The following ZNF581 variants were observed in gnomAD, a reference collection of about 807,000 sequenced individuals.
ZNF581 encodes the protein zinc finger protein 581.
A neutral mutation model predicts 1.2 loss-of-function variants in ZNF581; 1 was observed. The observed-to-expected ratio is 0.83, with a 90% CI of 0.30 to 3.95. The LOEUF (loss-of-function observed/expected upper bound fraction) is 3.95, where lower values mean the gene tolerates loss of function less well. ZNF581 is among the 30% of genes most tolerant of loss of function. ZNF581 has a pLI of 0.18. For synonymous variants in ZNF581, 105 were observed against 109.2 expected, an observed-to-expected ratio of 0.96 and a Z score of 0.24; for missense variants, 273 against 274.6, an observed-to-expected ratio of 0.99 and a Z score of 0.04.
upstream of ZNF581, chr19:55,640,801 T>G: frequency 1.0e-6 from 1 of 985,436 alleles, no homozygotes. Context: ...TAGTCTCGGT[T>G]TATTGGCCGA....
upstream of ZNF581, chr19:55,642,629 T>C: frequency 7.0e-7 from 1 of 1,436,788 alleles, no homozygotes; most frequent in East Asian, 2.8e-5. Context: ...CACTCCTTCC[T>C]CGGCGGCGGG....
upstream of ZNF581, chr19:55,642,629 T>G: frequency 7.0e-7 from 1 of 1,436,788 alleles, no homozygotes; most frequent in Non-Finnish European, 9.1e-7. Flanking sequence ...CACTCCTTCC[T>G]CGGCGGCGGG....
At chr19:55,643,055 C>T (rs963058314), upstream of ZNF581, 3 of 1,343,538 alleles carry the variant, frequency 2.2e-6, no homozygotes, top group East Asian at 6.2e-5. Context: ...TGCTGCCCTG[C>T]CCGTCTCAGG....
At chr19:55,640,366 T>C, upstream of ZNF581, 1 of 985,480 alleles carries the variant, frequency 1.0e-6, no homozygotes, top group Non-Finnish European at 1.2e-6. Flanking sequence ...GTGGGCCCCG[T>C]GGGCAGTGCC....
chr19:55,640,797 C>T (rs1423292722), upstream of ZNF581: 2 of 985,406 alleles, frequency 2.0e-6, no homozygotes, highest in African/African-American at 1.7e-5. Flanking sequence ...TGCTTAGTCT[C>T]GGTTTATTGG....
Position 55,645,212 on chromosome 19 carries a change from C to G in ZNF581, c.*47C>G. The G allele has an allele frequency of 6.8e-7, 1 of 1,474,560 alleles. No homozygotes were observed. Among genetic ancestry groups the G allele is most frequent in the Non-Finnish European group, 9.1e-7 (1 of 1,100,328 alleles). 91.3% of individuals were successfully genotyped at this position (1,474,560 alleles called of 1,614,324 possible). A position where few individuals can be genotyped will look rare whatever the true frequency, so the allele number is the denominator to read the frequency against. ...GGTACCACAGGACTTTGCAGGGAGC[C>G]TGGACTCCTGTCCAGACACCTGGTG... On this transcript the variant is annotated 3_prime_UTR_variant, in exon 2 of 2. Transcript: ENST00000270451.
chr19:55,635,517 G>A, exon 1 of ZNF581: 1 of 241,596 alleles, frequency 4.1e-6, no homozygotes, highest in Non-Finnish European at 6.8e-6. Flanking sequence ...GATCTGAGTG[G>A]CCTCTGCCCC....
At chr19:55,636,485 G>A (rs1322801425), upstream of ZNF581, among the ~76,000 whole-genome samples, 1 of 152,110 alleles carries the variant, frequency 6.6e-6, no homozygotes, top group Non-Finnish European at 1.5e-5. Context: ...GGGTAGGGAG[G>A]TAATGCTTCA....
At chr19:55,640,453 TCACAC>T (rs956508856), upstream of ZNF581, 2 of 985,348 alleles carry the variant, frequency 2.0e-6, no homozygotes, top group Admixed American at 1.2e-4. Context: ...TCTGGAAATA[TCACAC>T]CTCCCCACCT....
upstream of ZNF581, chr19:55,640,131 C>A (rs957935724): frequency 1.2e-5 from 12 of 985,336 alleles, 1 homozygote; most frequent in African/African-American, 1.7e-5. Flanking sequence ...CTCAGCTGCA[C>A]CTGCAGATGC....
upstream of ZNF581, chr19:55,640,897 C>T: frequency 4.1e-6 from 4 of 985,384 alleles, no homozygotes; most frequent in South Asian, 9.4e-5. Context: ...GTGGACCCCA[C>T]GCCTCCGGTC....
chr19:55,636,285 C>T (rs905795631), upstream of ZNF581, among the ~76,000 whole-genome samples: 42 of 152,028 alleles, frequency 2.8e-4, no homozygotes, highest in Admixed American at 2.7e-3. Flanking sequence ...GCTTGGAGAA[C>T]GGAGGTCAGT....
At chr19:55,642,560 G>A, upstream of ZNF581, 1 of 1,458,374 alleles carries the variant, frequency 6.9e-7, no homozygotes, top group Non-Finnish European at 9.0e-7. Flanking sequence ...CTCTCCGGAG[G>A]CCATGGACCC....
At chr19:55,635,192 GC>G (rs1292238276), upstream of ZNF581, 1 of 152,428 alleles carries the variant, frequency 6.6e-6, no homozygotes, top group African/African-American at 2.4e-5. Context: ...TGCGAAGGAG[GC>G]TTGGGGAGGG....
In ZNF581 at chr19:55,645,363, A is replaced by G. The variant is rs1982789661; in HGVS notation, c.*198A>G. The G allele has an allele frequency of 2.0e-6, 1 of 503,298 alleles. No homozygotes were observed. Among genetic ancestry groups the G allele is most frequent in the Non-Finnish European group, 3.6e-6 (1 of 280,850 alleles). 31.2% of individuals were successfully genotyped at this position (503,298 alleles called of 1,614,324 possible). ...AGGTCCTCCGTGTTCTGGAGCTGAGATGGGAATGAGCCCCTACACAGAATG... is the reference window on the plus strand; with the variant it reads ...AGGTCCTCCGTGTTCTGGAGCTGAGGTGGGAATGAGCCCCTACACAGAATG... On this transcript the variant is annotated 3_prime_UTR_variant, in exon 2 of 2. Transcript: ENST00000270451.
upstream of ZNF581, chr19:55,640,515 G>A (rs1394270884): frequency 2.0e-6 from 2 of 985,482 alleles, no homozygotes; most frequent in Non-Finnish European, 2.4e-6. Flanking sequence ...TCCCGCATGT[G>A]CCCCGTGGAA....
chr19:55,640,416 G>T, upstream of ZNF581: 2 of 985,480 alleles, frequency 2.0e-6, no homozygotes, highest in Middle Eastern at 5.2e-4. Context: ...CCTGGCCTTC[G>T]CTGCGCTTCG....
Position 55,644,718 on chromosome 19 carries a change from G to A in ZNF581, c.147G>A (p.Arg49=). ...IGSPQASSPP[R]PNHYLLIDTQ... is the part of the protein sequence containing the mutation. ...CTCCCCAGGCTTCATCTCCTCCAAG[G>A]CCCAACCACTACCTGCTTATTGACA... Residue 49 remains arginine, a synonymous_variant, in exon 2 of 2, where the codon AGG becomes AGA. Coordinates refer to ENST00000270451, the MANE Select transcript of ZNF581 (RefSeq NM_016535.4). This position sits in a 1 kb window ranked among gnomAD's most constrained non-coding sequence, Gnocchi z 4.3. The A allele has an allele frequency of 4.3e-6, 7 of 1,613,912 alleles. No homozygotes were observed. Among genetic ancestry groups the A allele is most frequent in the Non-Finnish European group, 5.9e-6 (7 of 1,179,938 alleles).
At chr19:55,643,220 C>A, upstream of ZNF581, 3 of 1,040,114 alleles carry the variant, frequency 2.9e-6, no homozygotes, top group South Asian at 1.3e-4. Flanking sequence ...GTGATGTAGA[C>A]CAAAGTCGTT....
Sources: allele counts gnomAD v4.1 joint callset (sites outside exome capture counted in the v4.1 genomes callset), GRCh38; gene constraint gnomAD v4.1.1; non-coding constraint Gnocchi (gnomAD v3.1); transcripts MANE v1.5; gene names NCBI Gene and HGNC (gene_info 2026-07-23, HGNC 2026-07-21).